The following TAFA2 variants were observed in gnomAD, a reference collection of about 807,000 sequenced individuals.
TAFA2 encodes chemokine-like protein TAFA-2.
In TAFA2, 7 loss-of-function variants were observed where a neutral mutation model predicts 18.8. The ratio of observed to expected loss-of-function variants is 0.37; its 90% CI spans 0.21 to 0.70. The LOEUF is 0.70. Among genes scored for constraint, TAFA2 ranks in the 30% least tolerant of loss-of-function variants. The pLI is 0.53. For missense variants in TAFA2, 122 were observed against 158.1 expected (o/e 0.77, Z 1.23); for synonymous variants, 60 against 54.2 (o/e 1.11, Z -0.47).
intron 2 of TAFA2, among the ~76,000 whole-genome samples, chr12:61,762,418 C>G (rs957933519): frequency 2.6e-5 from 4 of 151,902 alleles, no homozygotes; most frequent in Non-Finnish European, 4.4e-5. Context: ...GTTTGTTCAC[C>G]TCTAAAATGG....
At chr12:61,996,586 T>C (rs1363154179) in intron 1 of TAFA2, among the ~76,000 whole-genome samples, 1 of 152,196 alleles carries the variant, frequency 6.6e-6, no homozygotes, top group Non-Finnish European at 1.5e-5. Context: ...CAATGTACTA[T>C]ACACCAATTC....
At chr12:62,051,481 C>G (rs1882053005) in intron 1 of TAFA2, among the ~76,000 whole-genome samples, 1 of 152,094 alleles carries the variant, frequency 6.6e-6, no homozygotes, top group African/African-American at 2.4e-5. Context: ...ATTTAAGCAA[C>G]TGCTTTTCTA....
At chr12:62,073,205 C>T (rs71465130) in intron 1 of TAFA2, among the ~76,000 whole-genome samples, 8,035 of 152,268 alleles carry the variant, frequency 0.053, 235 homozygotes, top group Middle Eastern at 0.12. Flanking sequence ...AAACATCCTA[C>T]GGATATCCTA....
At chr12:62,243,651 C>T (rs1468590662) in intron 1 of TAFA2, among the ~76,000 whole-genome samples, 1 of 152,210 alleles carries the variant, frequency 6.6e-6, no homozygotes, top group Non-Finnish European at 1.5e-5. Context: ...ATTCGCTGCA[C>T]ATTGGCAGCA....
At chr12:61,858,545 CAAAT>C (rs1320567471) in intron 2 of TAFA2, among the ~76,000 whole-genome samples, 1 of 151,886 alleles carries the variant, frequency 6.6e-6, no homozygotes, top group Admixed American at 6.6e-5. Context: ...TTAGTATTAA[CAAAT>C]AAAAAGTCTC....
chr12:62,232,478 C>CA (rs1442948177), intron 1 of TAFA2, among the ~76,000 whole-genome samples: 4 of 152,136 alleles, frequency 2.6e-5, no homozygotes, highest in Admixed American at 1.3e-4. Flanking sequence ...CAGGAAATGG[C>CA]AGAGGCAGGA....
chr12:61,724,794 T>TATACAGCAGATGG (rs1255469826), intron 4 of TAFA2, among the ~76,000 whole-genome samples: 1 of 128,862 alleles, frequency 7.8e-6, no homozygotes, highest in African/African-American at 3.2e-5. Context: ...TGTGTGTGTG[T>TATACAGCAGATGG]GTGTGTGTAT....
At chr12:61,910,094 GTGTGTT>G (rs1426690929) in intron 1 of TAFA2, among the ~76,000 whole-genome samples, 527 of 81,270 alleles carry the variant, frequency 6.5e-3, no homozygotes, top group Non-Finnish European at 8.6e-3. Context: ...GTGTGTGTGT[GTGTGTT>G]TGTGTGTGTG....
intron 1 of TAFA2, among the ~76,000 whole-genome samples, chr12:62,152,462 G>GTGGCA (rs1201435403): frequency 6.6e-6 from 1 of 152,190 alleles, no homozygotes; most frequent in African/African-American, 2.4e-5. Flanking sequence ...TTGATTGCCT[G>GTGGCA]TGGCATAAAG....
intron 1 of TAFA2, chr12:62,234,455 G>A: frequency 3.2e-6 from 3 of 950,128 alleles, no homozygotes; most frequent in Admixed American, 1.7e-5. Context: ...CCTGGCCAAT[G>A]AGTCTTCTGG....
chr12:62,069,426 A>T (rs1038619172), intron 1 of TAFA2, among the ~76,000 whole-genome samples: 1 of 152,186 alleles, frequency 6.6e-6, no homozygotes, highest in African/African-American at 2.4e-5. Flanking sequence ...AGCATGCTGA[A>T]CTACAGCTTT....
chr12:61,877,234 C>T (rs1422132838), intron 1 of TAFA2, among the ~76,000 whole-genome samples: 1 of 152,100 alleles, frequency 6.6e-6, no homozygotes, highest in Non-Finnish European at 1.5e-5. Context: ...TTTAGAATCT[C>T]ACTTTTTTAC....
intron 1 of TAFA2, chr12:62,206,977 C>T (rs77970792): frequency 1.3e-3 from 196 of 152,314 alleles, no homozygotes; most frequent in African/African-American, 4.5e-3. Context: ...CACCATCATA[C>T]TGCATCTGTC....
chr12:61,854,141 A>C (rs1361251491), intron 2 of TAFA2, among the ~76,000 whole-genome samples: 2 of 152,316 alleles, frequency 1.3e-5, no homozygotes, highest in South Asian at 2.1e-4. Context: ...CCAAAATAGC[A>C]AAGTCAGCAC....
intron 1 of TAFA2, chr12:62,235,384 A>T: frequency 1.6e-6 from 1 of 643,660 alleles, no homozygotes; most frequent in South Asian, 1.9e-5. Context: ...TGCACTCCGG[A>T]GCTTCCAGAA....
At position 61,941,725 on chromosome 12, in the gene TAFA2, G is replaced by A. The variant is rs896958547; in HGVS notation, c.-1-74299C>T. 9.2e-5 allele frequency among the ~76,000 whole-genome samples: 14 copies of A among 152,308 alleles called. No homozygotes were observed. The East Asian group carries it at 9.7e-4, about 11-fold the overall frequency. ...CTGGAAAATGGGGTCACTCCCACCCGAATATTGCGCTTTTCAGACCGGCTT... is the reference window on the plus strand; with the variant it reads ...CTGGAAAATGGGGTCACTCCCACCCAAATATTGCGCTTTTCAGACCGGCTT... On this transcript the variant is annotated intron_variant, in intron 1 of 4. Coordinates refer to ENST00000416284, the MANE Select transcript of TAFA2 (RefSeq NM_178539.5).
At chr12:62,258,720 C>G in intron 1 of TAFA2, 1 of 342,920 alleles carries the variant, frequency 2.9e-6, no homozygotes, top group Non-Finnish European at 5.9e-6. Context: ...AATTAAAGGG[C>G]AAGAACTTTG....
chr12:62,208,119 G>C (rs1015579834), intron 1 of TAFA2, among the ~76,000 whole-genome samples: 19 of 152,140 alleles, frequency 1.2e-4, no homozygotes, highest in African/African-American at 4.6e-4. Flanking sequence ...CTAGTAGTTT[G>C]AGGTAAAATT....
intron 2 of TAFA2, among the ~76,000 whole-genome samples, chr12:61,785,341 G>GTGTGTGTA (rs1259179794): frequency 2.7e-5 from 4 of 150,614 alleles, no homozygotes; most frequent in Non-Finnish European, 5.9e-5. Context: ...GTGTGTGTGT[G>GTGTGTGTA]TGTGTGTGTG....
Sources: gnomAD v4.1 joint callset for allele counts (sites outside exome capture counted in the v4.1 genomes callset) on GRCh38, gnomAD v4.1.1 for gene constraint, MANE v1.5 for transcripts, NCBI Gene and HGNC (gene_info 2026-07-23, HGNC 2026-07-21) for gene names.